Variants in LIMD1 observed in about 807,000 individuals in gnomAD.
LIMD1 encodes LIM domain-containing protein 1.
Under a neutral mutation model 58.4 loss-of-function variants are expected in LIMD1, and 23 were observed. That is an observed-to-expected ratio of 0.39 (90% CI 0.28 to 0.56). The LOEUF (loss-of-function observed/expected upper bound fraction) is 0.56, where lower values mean the gene tolerates loss of function less well. Ranked by LOEUF, LIMD1 falls within the 20% of genes least tolerant of loss-of-function variation. The probability of loss-of-function intolerance (pLI) is 0.57; values close to 1 mark genes in which losing one functional copy is unlikely to be tolerated. For missense variants in LIMD1, 838 were observed against 855.5 expected (o/e 0.98, Z 0.25); for synonymous variants, 334 against 345.5 (o/e 0.97, Z 0.37).
Position 45,677,713 on chromosome 3 carries a change from T to G in LIMD1, c.*654T>G, listed in dbSNP as rs1575370399. 2 of 152,256 alleles carry G rather than the reference T, an allele frequency of 1.3e-5. No homozygotes were observed. Among genetic ancestry groups the G allele is most frequent in the South Asian group, 4.1e-4 (2 of 4,828 alleles). 9.4% of individuals were successfully genotyped at this position (152,256 alleles called of 1,614,324 possible). A position where few individuals can be genotyped will look rare whatever the true frequency, so the allele number is the denominator to read the frequency against. On this transcript the variant is annotated 3_prime_UTR_variant, in exon 8 of 8. Coordinates refer to ENST00000273317, the MANE Select transcript of LIMD1 (RefSeq NM_014240.3). The stretch of plus-strand genomic sequence containing the variant: ...TTTCCTCCTTAGACACTGACAGCAT[T>G]CTCTGTACCCCTTCAAATCCTTACT...
intron 1 of LIMD1, among the ~76,000 whole-genome samples, chr3:45,626,032 G>A (rs1701665971): frequency 1.3e-5 from 2 of 152,182 alleles, no homozygotes; most frequent in Admixed American, 1.3e-4. Context: ...AAAGAGAGGT[G>A]GGAGAAATGT....
chr3:45,641,351 T>C (rs921752598), intron 2 of LIMD1, among the ~76,000 whole-genome samples: 3 of 152,198 alleles, frequency 2.0e-5, no homozygotes, highest in East Asian at 1.9e-4. Flanking sequence ...CTCTGTTCTT[T>C]ATCTTATCTT....
intron 1 of LIMD1, among the ~76,000 whole-genome samples, chr3:45,605,426 G>A (rs1701458998): frequency 6.6e-6 from 1 of 152,210 alleles, no homozygotes; most frequent in South Asian, 2.1e-4. Context: ...TACAATTAAA[G>A]AAGAAACATG....
intron 5 of LIMD1, 127 bp from the exon 6 acceptor site, chr3:45,673,327 A>G (rs1042448538): frequency 6.7e-6 from 5 of 744,518 alleles, no homozygotes; most frequent in African/African-American, 3.4e-5. Flanking sequence ...CAGTCATTCT[A>G]TGAGGGAGGA....
intron 1 of LIMD1, among the ~76,000 whole-genome samples, chr3:45,614,333 C>A (rs1370840599): frequency 6.6e-6 from 1 of 151,512 alleles, no homozygotes; most frequent in East Asian, 1.9e-4. Context: ...CGAGACCATC[C>A]TGGCTAACAT....
chr3:45,654,353 C>T (rs2125664785), intron 2 of LIMD1, among the ~76,000 whole-genome samples: 1 of 152,242 alleles, frequency 6.6e-6, no homozygotes, highest in East Asian at 1.9e-4. Context: ...TAGGTTATAG[C>T]TTATTTCTAT....
chr3:45,669,079 T>G (rs1166928635), intron 4 of LIMD1, among the ~76,000 whole-genome samples: 1 of 152,188 alleles, frequency 6.6e-6, no homozygotes, highest in Non-Finnish European at 1.5e-5. Flanking sequence ...ATTACGAAGA[T>G]GAGTTTTTAG....
At chr3:45,632,614 A>G (rs760543358) in intron 1 of LIMD1, 158 of 914,524 alleles carry the variant, frequency 1.7e-4, no homozygotes, top group Middle Eastern at 5.6e-4. Context: ...GATTCAACTC[A>G]CACTTGTTTC....
At chr3:45,668,090 G>T (rs1219765630) in intron 3 of LIMD1, among the ~76,000 whole-genome samples, 1 of 152,222 alleles carries the variant, frequency 6.6e-6, no homozygotes, top group Non-Finnish European at 1.5e-5. Context: ...GTTAGAGTGA[G>T]TGGTACTAGT....
chr3:45,653,925 A>G, intron 2 of LIMD1, among the ~76,000 whole-genome samples: 1 of 137,860 alleles, frequency 7.3e-6, no homozygotes, highest in Non-Finnish European at 1.6e-5. Context: ...AAAAAAAAAA[A>G]AGAAAAAGAA....
intron 1 of LIMD1, among the ~76,000 whole-genome samples, chr3:45,606,406 G>A (rs984934347): frequency 6.6e-6 from 1 of 152,204 alleles, no homozygotes; most frequent in Non-Finnish European, 1.5e-5. Context: ...TGGAGCCAGG[G>A]CCATTCCAGG....
At chr3:45,619,120 T>C (rs1559516308) in intron 1 of LIMD1, among the ~76,000 whole-genome samples, 4 of 152,244 alleles carry the variant, frequency 2.6e-5, no homozygotes, top group African/African-American at 4.8e-5. Flanking sequence ...GCTTGTCTTA[T>C]CTAAACTGAT....
chr3:45,615,292 T>G (rs1701565660), intron 1 of LIMD1, among the ~76,000 whole-genome samples: 1 of 152,238 alleles, frequency 6.6e-6, no homozygotes, highest in Non-Finnish European at 1.5e-5. Flanking sequence ...TCTCTGCTGT[T>G]ACTCTCCATT....
chr3:45,632,464 G>A (rs748566539), intron 1 of LIMD1: 2 of 964,014 alleles, frequency 2.1e-6, no homozygotes, highest in Non-Finnish European at 2.5e-6. Flanking sequence ...GTGGCTGGGG[G>A]TGTTCAGAGA....
At chr3:45,627,470 C>T (rs554945321) in intron 1 of LIMD1, among the ~76,000 whole-genome samples, 4 of 152,152 alleles carry the variant, frequency 2.6e-5, no homozygotes, top group African/African-American at 4.8e-5. Flanking sequence ...TGTCTAGCAC[C>T]GTGTTGGCAC....
At chr3:45,670,836 G>A (rs965906178) in intron 4 of LIMD1, among the ~76,000 whole-genome samples, 19 of 152,140 alleles carry the variant, frequency 1.2e-4, no homozygotes, top group African/African-American at 4.6e-4. Flanking sequence ...TTTAGTGAAT[G>A]TCTAGACAGA....
rs12629918 is a variant in LIMD1 at position 45,669,974 on chromosome 3, G to A, written c.1641+1618G>A. 2.7e-3 allele frequency among the ~76,000 whole-genome samples: 416 copies of A among 152,266 alleles called. 11 individuals are homozygous for A. The East Asian group carries it at 0.05, about 18-fold the overall frequency. Reference sequence around the variant, plus strand: ...GTGACCCACAGCCCTCCCCATTCGTGATGAATATCTGCTATCTCCCAGGCT... The same window carrying A: ...GTGACCCACAGCCCTCCCCATTCGTAATGAATATCTGCTATCTCCCAGGCT... On this transcript the variant is annotated intron_variant, in intron 4 of 7. Coordinates refer to ENST00000273317, the MANE Select transcript of LIMD1 (RefSeq NM_014240.3).
chr3:45,669,999 T>G (rs1015235428), intron 4 of LIMD1, among the ~76,000 whole-genome samples: 13 of 152,174 alleles, frequency 8.5e-5, no homozygotes, highest in African/African-American at 3.1e-4. Context: ...TCTCCCAGGC[T>G]TTGACAGACC....
chr3:45,595,883 C>G lies in LIMD1; in HGVS notation c.1004C>G (p.Pro335Arg). 4 of 1,614,212 alleles carry G rather than the reference C, an allele frequency of 2.5e-6. No individual in the cohort carries two copies. Among genetic ancestry groups the G allele is most frequent in the Non-Finnish European group, 3.4e-6 (4 of 1,180,038 alleles). ...TCCAAACCCAATGTGGACCCCCAAC[C>G]CTGGTTCCAGGATGGGCCCAAATCT... is the stretch of plus-strand genomic sequence containing the variant. Reference protein sequence around the residue: ...VMSKPNVDPQPWFQDGPKSYL... With the variant: ...VMSKPNVDPQRWFQDGPKSYL... The change falls in exon 1 of 8, where the codon CCC (proline) becomes CGC (arginine). Residue 335 changes from proline (P) to arginine (R), a missense_variant. Pro to Arg is a moderately radical substitution (Grantham distance 103). Coordinates refer to ENST00000273317, the MANE Select transcript of LIMD1 (RefSeq NM_014240.3).
Sources: allele counts gnomAD v4.1 joint callset (sites outside exome capture counted in the v4.1 genomes callset), GRCh38; gene constraint gnomAD v4.1.1; transcripts MANE v1.5; gene names NCBI Gene and HGNC (gene_info 2026-07-23, HGNC 2026-07-21).